SEMA3A: variants seen among roughly 807,000 people sequenced by gnomAD.
The protein encoded by SEMA3A is semaphorin-3A.
Under a neutral mutation model 97.9 loss-of-function variants are expected in SEMA3A, and 29 were observed. The observed-to-expected ratio is 0.30, with a 90% CI of 0.22 to 0.40. The LOEUF is 0.40. SEMA3A is among the 10% of genes least tolerant of loss of function. The pLI is 1.00. For synonymous variants in SEMA3A, 321 were observed against 323.7 expected (o/e 0.99, Z 0.09); for missense variants, 763 against 951.3 (o/e 0.80, Z 2.60).
In SEMA3A at chr7:84,306,213, AT is replaced by A. The variant is rs1167285249; in HGVS notation, c.-83+993del. On this transcript the variant is annotated intron_variant, in intron 3 of 3. Coordinates refer to the SEMA3A transcript ENST00000424555. ...ATGATATTTCCATGTAGCATTATAT[AT>A]TTTTTCATAAATTTTTTACTTTTAT... is the stretch of plus-strand genomic sequence containing the variant. 4.6e-5 allele frequency among the ~76,000 whole-genome samples: 7 copies of A among 151,906 alleles called. No individual in the cohort carries two copies. The South Asian group carries it at 8.3e-4, about 18-fold the overall frequency.
At chr7:83,962,080 T>A (rs982533912) in intron 16 of SEMA3A, among the ~76,000 whole-genome samples, 2 of 152,222 alleles carry the variant, frequency 1.3e-5, no homozygotes, top group East Asian at 3.9e-4. Flanking sequence ...TAATTTAAAA[T>A]ATTCAAGGTA....
intron 1 of SEMA3A, among the ~76,000 whole-genome samples, chr7:84,384,846 C>T (rs1233450966): frequency 6.6e-6 from 1 of 152,042 alleles, no homozygotes; most frequent in African/African-American, 2.4e-5. Flanking sequence ...GCATTATTTG[C>T]AGTTGAAAAT....
intron 3 of SEMA3A, among the ~76,000 whole-genome samples, chr7:84,111,533 T>C (rs1236481904): frequency 1.3e-5 from 2 of 152,206 alleles, no homozygotes; most frequent in African/African-American, 4.8e-5. Context: ...GCAGATTAAT[T>C]GATATTTAAA....
intron 2 of SEMA3A, among the ~76,000 whole-genome samples, chr7:84,366,549 T>A (rs1410534495): frequency 6.6e-6 from 1 of 151,412 alleles, no homozygotes; most frequent in East Asian, 1.9e-4. Flanking sequence ...GGATTCTTGC[T>A]AACTAATTCT....
chr7:84,163,674 T>C (rs1161902672), intron 1 of SEMA3A, among the ~76,000 whole-genome samples: 1 of 152,200 alleles, frequency 6.6e-6, no homozygotes, highest in East Asian at 1.9e-4. Flanking sequence ...ATTTTTTCTA[T>C]ATCCCTACAT....
At chr7:84,453,788 G>T (rs1805622593) in intron 1 of SEMA3A, among the ~76,000 whole-genome samples, 1 of 152,030 alleles carries the variant, frequency 6.6e-6, no homozygotes, top group South Asian at 2.1e-4. Context: ...GTGTAAAATT[G>T]TTTGCTAATT....
At chr7:84,473,146 G>T (rs1806196846) in intron 1 of SEMA3A, among the ~76,000 whole-genome samples, 1 of 150,216 alleles carries the variant, frequency 6.7e-6, no homozygotes, top group South Asian at 2.1e-4. Flanking sequence ...GAAATGGTGT[G>T]TGTGTGTGTG....
At chr7:84,100,026 A>G in intron 4 of SEMA3A, among the ~76,000 whole-genome samples, 1 of 152,230 alleles carries the variant, frequency 6.6e-6, no homozygotes, top group African/African-American at 2.4e-5. Flanking sequence ...AGTAAACTCT[A>G]TGCACACTGG....
intron 3 of SEMA3A, among the ~76,000 whole-genome samples, chr7:84,126,307 G>A (rs1477036248): frequency 6.6e-6 from 1 of 152,084 alleles, no homozygotes; most frequent in Non-Finnish European, 1.5e-5. Flanking sequence ...CCGGGTTCAA[G>A]CGATTCTCCT....
chr7:84,263,257 G>A (rs1799902760), intron 3 of SEMA3A, among the ~76,000 whole-genome samples: 1 of 152,136 alleles, frequency 6.6e-6, no homozygotes, highest in Non-Finnish European at 1.5e-5. Flanking sequence ...TGCGGACAAA[G>A]AGCCGGCATG....
At position 84,081,506 on chromosome 7, in the gene SEMA3A, T is replaced by C. The variant is rs557187731; in HGVS notation, c.454-20948A>G. On this transcript the variant is annotated intron_variant, in intron 4 of 16. Transcript: ENST00000265362. ...TACCTGGGAGGCTGAGGCAGGAGAATGGCGTGAACCCGGGAGGCGGAGCTT... is the reference window on the plus strand; with the variant it reads ...TACCTGGGAGGCTGAGGCAGGAGAACGGCGTGAACCCGGGAGGCGGAGCTT... 4.4e-4 allele frequency among the ~76,000 whole-genome samples: 65 copies of C among 147,992 alleles called. 1 individual carries two copies. The highest frequency in any genetic ancestry group is 3.8e-3 in the South Asian group (18 of 4,732).
intron 5 of SEMA3A, among the ~76,000 whole-genome samples, chr7:84,049,376 C>CA (rs1231612595): frequency 1.3e-5 from 2 of 151,966 alleles, no homozygotes; most frequent in Admixed American, 6.6e-5. Context: ...TATGGGGAGT[C>CA]TTATCAATGA....
chr7:84,068,174 C>G (rs925387847), intron 4 of SEMA3A, among the ~76,000 whole-genome samples: 3 of 140,930 alleles, frequency 2.1e-5, no homozygotes, highest in African/African-American at 5.6e-5. Flanking sequence ...ATCGCAAGAA[C>G]AAAAAACCAA....
chr7:84,468,747 G>A (rs539146501), intron 1 of SEMA3A, among the ~76,000 whole-genome samples: 45 of 152,014 alleles, frequency 3.0e-4, no homozygotes, highest in Non-Finnish European at 5.1e-4. Flanking sequence ...GGTGCTAAAC[G>A]ATCTGATTTC....
In SEMA3A at chr7:84,125,364, T is replaced by G. The variant is rs1054587499; in HGVS notation, c.333+3759A>C. On this transcript the variant is annotated intron_variant, in intron 3 of 16. Coordinates refer to ENST00000265362, the MANE Select transcript of SEMA3A (RefSeq NM_006080.3). ...GATTCAGCAAACTCCATGTCTTAGA[T>G]CCTTTTAATTAAGTTCCATAAAATT... is the stretch of plus-strand genomic sequence containing the variant. 2.0e-5 allele frequency among the ~76,000 whole-genome samples: 3 copies of G among 152,224 alleles called. No homozygotes were observed. The South Asian group carries it at 6.2e-4, about 32-fold the overall frequency.
At chr7:84,323,000 C>A (rs544081898) in intron 2 of SEMA3A, among the ~76,000 whole-genome samples, 15 of 152,232 alleles carry the variant, frequency 9.9e-5, no homozygotes, top group African/African-American at 3.4e-4. Context: ...ATTTGGCAAA[C>A]AACCACAACT....
chr7:84,022,851 ATTT>A (rs1457498171), intron 6 of SEMA3A, among the ~76,000 whole-genome samples: 1 of 152,194 alleles, frequency 6.6e-6, no homozygotes, highest in African/African-American at 2.4e-5. Flanking sequence ...TACCACGGCC[ATTT>A]TGCAATGTCC....
At chr7:84,255,151 C>T (rs1168198235) in intron 3 of SEMA3A, among the ~76,000 whole-genome samples, 2 of 152,070 alleles carry the variant, frequency 1.3e-5, no homozygotes, top group Non-Finnish European at 2.9e-5. Flanking sequence ...ATTGGCAGGC[C>T]TTGGTTCAAA....
chr7:84,415,508 A>G (rs149109201), intron 1 of SEMA3A, among the ~76,000 whole-genome samples: 2 of 152,258 alleles, frequency 1.3e-5, no homozygotes, highest in African/African-American at 4.8e-5. Flanking sequence ...TGTATTTCAC[A>G]ATTATTTTCA....
Sources: allele counts gnomAD v4.1 joint callset (sites outside exome capture counted in the v4.1 genomes callset), GRCh38; gene constraint gnomAD v4.1.1; transcripts MANE v1.5; gene names NCBI Gene and HGNC (gene_info 2026-07-23, HGNC 2026-07-21).